The following CLCN4 variants were observed in gnomAD, a reference collection of about 807,000 sequenced individuals.
CLCN4 encodes H(+)/Cl(-) exchange transporter 4.
CLCN4 carries 1 observed loss-of-function variant against 41.7 expected under a neutral mutation model. The ratio of observed to expected loss-of-function variants is 0.02; its 90% confidence interval spans 0.01 to 0.11. The LOEUF is 0.11. CLCN4 is among the 10% of genes least tolerant of loss of function. The pLI is 1.00. For synonymous variants in CLCN4, 277 were observed against 285.8 expected, an observed-to-expected ratio of 0.97 and a Z score of 0.31; for missense variants, 287 against 661.0, an observed-to-expected ratio of 0.43 and a Z score of 6.20.
chrX:10,227,328 A>T (rs1925013837), intron 12 of CLCN4, among the ~76,000 whole-genome samples: 1 of 111,411 alleles, frequency 9.0e-6, no homozygotes, highest in Admixed American at 9.6e-5. Context: ...TAGATGCAGA[A>T]AAGGCCTTCG....
At chrX:10,207,915 T>A (rs1364520531) in intron 8 of CLCN4, 130 bp from the exon 9 acceptor site, 122 of 558,384 alleles carry the variant, frequency 2.2e-4, no homozygotes, top group Non-Finnish European at 2.1e-5. Flanking sequence ...TTGGTCACAT[T>A]AAGTCCAGGC....
intron 2 of CLCN4, among the ~76,000 whole-genome samples, chrX:10,169,791 CTT>C (rs768158943): frequency 5.1e-5 from 3 of 58,523 alleles, no homozygotes; most frequent in Non-Finnish European, 3.1e-5. Flanking sequence ...CTTTTCTTTT[CTT>C]TTTTTTTTTT....
At chrX:10,166,295 A>C (rs971069107) in intron 2 of CLCN4, among the ~76,000 whole-genome samples, 2 of 112,455 alleles carry the variant, frequency 1.8e-5, no homozygotes, top group African/African-American at 6.5e-5. Flanking sequence ...CCTTCATCTC[A>C]GACTTCTGGC....
intron 2 of CLCN4, among the ~76,000 whole-genome samples, chrX:10,171,589 C>T (rs979591543): frequency 2.7e-5 from 3 of 111,748 alleles, no homozygotes; most frequent in Non-Finnish European, 3.8e-5. Flanking sequence ...AAATGGTGCT[C>T]GCTGTGTCAT....
intron 10 of CLCN4, 95 bp from the exon 11 acceptor site, chrX:10,213,586 G>C: frequency 1.2e-6 from 1 of 816,485 alleles, no homozygotes; most frequent in Non-Finnish European, 1.8e-6. Flanking sequence ...CAGGTGTGAG[G>C]GGAATTTACA....
intron 9 of CLCN4, among the ~76,000 whole-genome samples, chrX:10,209,228 A>G (rs1301089673): frequency 3.7e-5 from 4 of 108,902 alleles, no homozygotes; most frequent in African/African-American, 1.3e-4. Flanking sequence ...TCCTCTTTGA[A>G]GAACAGAGCT....
At position 10,234,535 on chromosome X, in the gene CLCN4, C is replaced by T. The variant is rs907192450; in HGVS notation, c.*951C>T. The T allele has an allele frequency of 8.8e-6, 1 of 113,082 alleles. No individual in the cohort carries two copies. Among genetic ancestry groups the T allele is most frequent in the African/African-American group, 3.2e-5 (1 of 31,027 alleles). 9.3% of individuals were successfully genotyped at this position (113,082 alleles called of 1,213,427 possible). Reference sequence around the variant, plus strand: ...TAGCATATGCAAGAGTCCAAACAGGCTACCCAATGTTACTACTTATTTTTC... The same window carrying T: ...TAGCATATGCAAGAGTCCAAACAGGTTACCCAATGTTACTACTTATTTTTC... On this transcript the variant is annotated 3_prime_UTR_variant, in exon 13 of 13. Transcript: ENST00000380833.
At chrX:10,218,322 C>A in intron 11 of CLCN4, among the ~76,000 whole-genome samples, 1 of 111,679 alleles carries the variant, frequency 9.0e-6, no homozygotes, top group Non-Finnish European at 1.9e-5. Context: ...TCTTTTAGGT[C>A]TTTTAAAAAG....
intron 12 of CLCN4, among the ~76,000 whole-genome samples, chrX:10,232,277 A>T (rs1925145293): frequency 8.9e-6 from 1 of 112,388 alleles, no homozygotes; most frequent in Non-Finnish European, 1.9e-5. Flanking sequence ...CTATTTCACC[A>T]GGTGTAACTG....
intron 9 of CLCN4, among the ~76,000 whole-genome samples, chrX:10,208,822 C>G (rs1383320447): frequency 1.8e-5 from 2 of 112,026 alleles, no homozygotes; most frequent in African/African-American, 6.5e-5. Flanking sequence ...AACTAAGGCT[C>G]TGAGATCTTA....
chrX:10,234,996 AGTGCT>A lies in CLCN4; in HGVS notation c.*1415_*1419del, dbSNP rs1925215999. The A allele has an allele frequency of 8.9e-6, 1 of 111,987 alleles. No homozygotes were observed. The highest frequency in any genetic ancestry group is 9.5e-5 in the Admixed American group (1 of 10,547). The allele number at this position is 111,987 out of a possible 1,213,427, so 9.2% of individuals were successfully genotyped here. ...CTTTTCAATCTCATTGTCACTGGAT[AGTGCT>A]GTATCACTTAGGTGTGCATTCGGCT... On this transcript the variant is annotated 3_prime_UTR_variant, in exon 13 of 13. Transcript: ENST00000380833.
chrX:10,160,711 C>T (rs928318467), intron 2 of CLCN4, among the ~76,000 whole-genome samples: 7 of 111,632 alleles, frequency 6.3e-5, no homozygotes, highest in East Asian at 2.8e-4. Flanking sequence ...ACAAATGGCC[C>T]GCACCACCAG....
chrX:10,216,331 C>T (rs1385688392), intron 11 of CLCN4, among the ~76,000 whole-genome samples: 1 of 112,218 alleles, frequency 8.9e-6, no homozygotes. Flanking sequence ...GTTAGCACCA[C>T]CTAGGCAACG....
chrX:10,201,202 G>C (rs141633067), intron 6 of CLCN4, among the ~76,000 whole-genome samples: 2,559 of 111,830 alleles, frequency 0.023, 67 homozygotes, highest in African/African-American at 0.08. Flanking sequence ...AGGAAGGTTC[G>C]ACTGGGGAGG....
chrX:10,188,544 G>A (rs764958319), intron 4 of CLCN4, among the ~76,000 whole-genome samples: 3 of 112,298 alleles, frequency 2.7e-5, no homozygotes, highest in South Asian at 7.4e-4. Flanking sequence ...AATATCAAAC[G>A]CACCAGCCCT....
chrX:10,210,382 C>T (rs1924511727), intron 9 of CLCN4, among the ~76,000 whole-genome samples: 1 of 111,717 alleles, frequency 9.0e-6, no homozygotes, highest in African/African-American at 3.3e-5. Context: ...CACACACACA[C>T]CTGTGTAACC....
intron 4 of CLCN4, among the ~76,000 whole-genome samples, chrX:10,192,556 A>G (rs912812541): frequency 2.7e-5 from 3 of 111,258 alleles, no homozygotes; most frequent in African/African-American, 6.6e-5. Flanking sequence ...TGAGGGAAAG[A>G]GATGAAGCTG....
intron 2 of CLCN4, among the ~76,000 whole-genome samples, chrX:10,180,982 CCT>C (rs1270675855): frequency 1.8e-5 from 2 of 109,469 alleles, no homozygotes; most frequent in African/African-American, 6.7e-5. Flanking sequence ...AGCTCCAGCC[CCT>C]GTCTGACCAA....
chrX:10,196,701 T>C (rs2039335572), intron 5 of CLCN4, among the ~76,000 whole-genome samples: 1 of 111,510 alleles, frequency 9.0e-6, no homozygotes, highest in Non-Finnish European at 1.9e-5. Context: ...CTCAGTGCTC[T>C]CCATTACTTC....
Sources: gnomAD v4.1 joint callset for allele counts (sites outside exome capture counted in the v4.1 genomes callset) on GRCh38, gnomAD v4.1.1 for gene constraint, MANE v1.5 for transcripts, NCBI Gene and HGNC (gene_info 2026-07-23, HGNC 2026-07-21) for gene names.